RINT1: variants seen among roughly 807,000 people sequenced by gnomAD.
RINT1 encodes the protein RAD50-interacting protein 1.
A neutral mutation model predicts 97.7 loss-of-function variants in RINT1; 75 were observed. The ratio of observed to expected loss-of-function variants is 0.77; its 90% CI spans 0.64 to 0.93. The LOEUF (loss-of-function observed/expected upper bound fraction) is 0.93, where lower values mean the gene tolerates loss of function less well. RINT1 is among the 40% of genes least tolerant of loss of function. The pLI is 0.00. For missense variants in RINT1, 892 were observed against 925.2 expected, an observed-to-expected ratio of 0.96 and a Z score of 0.47; for synonymous variants, 303 against 326.3, an observed-to-expected ratio of 0.93 and a Z score of 0.77.
intron 2 of RINT1, chr7:105,535,707 C>T: frequency 2.8e-6 from 1 of 352,060 alleles, no homozygotes; most frequent in South Asian, 2.1e-5. Context: ...TTCCACCATT[C>T]CTGGCTAATT....
At chr7:105,537,424 C>T (rs1476873305) in intron 3 of RINT1, among the ~76,000 whole-genome samples, 1 of 151,710 alleles carries the variant, frequency 6.6e-6, no homozygotes, top group Admixed American at 6.6e-5. Flanking sequence ...GCTGCTATAC[C>T]CGGCCACATT....
chr7:105,565,312 T>C lies in RINT1; in HGVS notation c.1922T>C (p.Val641Ala). The C allele has an allele frequency of 6.2e-7, 1 of 1,613,662 alleles. No homozygotes were observed. Among genetic ancestry groups the C allele is most frequent in the Non-Finnish European group, 8.5e-7 (1 of 1,179,544 alleles). Residue 641 changes from valine (V) to alanine (A), a missense_variant, in exon 13 of 15, where the codon GTG (valine) becomes GCG (alanine). Transcript: ENST00000257700. ...TTGCCATCTCAGTCAGAGCAGGCAG[T>C]GATGTCCCTGTCCAGTTCGGCTTGC... ...LSLPSQSEQA[V>A]MSLSSSACPL...
chr7:105,567,156 G>T lies in RINT1; in HGVS notation c.2224G>T (p.Gly742Cys). ...CTGTATTGTTTTGAATTTGAACGTC[G>T]GTTCTGCACTACTGCTGAAAGATGT... The part of the protein sequence containing the change: ...EACIVLNLNV[G>C]SALLLKDVLQ... Residue 742 changes from glycine (G) to cysteine (C), a missense_variant, in exon 15 of 15, where the codon GGT becomes TGT. Coordinates refer to ENST00000257700, the MANE Select transcript of RINT1 (RefSeq NM_021930.6). 1 of 1,586,006 alleles carries T rather than the reference G, an allele frequency of 6.3e-7. No individual in the cohort carries two copies. The highest frequency in any genetic ancestry group is 1.9e-5 in the Admixed American group (1 of 51,736).
chr7:105,553,756 T>C (rs1014563421), intron 10 of RINT1, among the ~76,000 whole-genome samples: 2 of 149,832 alleles, frequency 1.3e-5, no homozygotes, highest in African/African-American at 4.9e-5. Flanking sequence ...AGTCTCGCTC[T>C]GTCGCCCAGG....
intron 11 of RINT1, among the ~76,000 whole-genome samples, chr7:105,563,103 T>C (rs898413644): frequency 6.6e-6 from 1 of 151,828 alleles, no homozygotes; most frequent in Non-Finnish European, 1.5e-5. Context: ...TACAATATGA[T>C]ACGTGTTACA....
chr7:105,538,644 G>C (rs1247589890), intron 3 of RINT1, among the ~76,000 whole-genome samples: 3 of 152,144 alleles, frequency 2.0e-5, no homozygotes, highest in Non-Finnish European at 4.4e-5. Context: ...TGTTCTTTCA[G>C]ATTCTGTTTG....
chr7:105,540,899 G>A (rs911365715), intron 3 of RINT1, among the ~76,000 whole-genome samples: 4 of 145,952 alleles, frequency 2.7e-5, no homozygotes, highest in Admixed American at 6.9e-5. Flanking sequence ...TGGCAGTGGC[G>A]CAGTCTCGGC....
intron 7 of RINT1, 92 bp from the exon 8 acceptor site, chr7:105,549,963 G>C (rs1257537424): frequency 1.9e-5 from 14 of 752,586 alleles, no homozygotes; most frequent in South Asian, 1.1e-4. Context: ...ATTTTTATAA[G>C]TGTTGTGCAT....
rs368702915 is a variant in RINT1 at position 105,565,362 on chromosome 7, C to T, written c.1972C>T (p.His658Tyr). The T allele has an allele frequency of 6.2e-7, 1 of 1,614,030 alleles. No homozygotes were observed. The highest frequency in any genetic ancestry group is 8.5e-7 in the Non-Finnish European group (1 of 1,180,012). The stretch of plus-strand genomic sequence containing the variant: ...CCCGTTGCTGCTGACGTTACGAGAC[C>T]ATTTACTTCAGTTGGAGCAGCAGCT... Reference protein sequence around the residue: ...ACPLLLTLRDHLLQLEQQLCF... With the variant: ...ACPLLLTLRDYLLQLEQQLCF... The change falls in exon 13 of 15, where the codon CAT becomes TAT. Residue 658 changes from histidine to tyrosine, a missense_variant. By Grantham distance (83) the His-to-Tyr change is moderately conservative. Transcript: ENST00000257700.
At position 105,539,521 on chromosome 7, in the gene RINT1, C is replaced by T. The variant is rs533831538; in HGVS notation, c.273+2772C>T. ...GATTATAGGCATGTGCCACCACGCT[C>T]GGCTAATTTTGTATTTTTGGTAGAG... On this transcript the variant is annotated intron_variant, in intron 3 of 14. Coordinates refer to ENST00000257700, the MANE Select transcript of RINT1 (RefSeq NM_021930.6). Among the ~76,000 whole-genome samples the T allele has an allele frequency of 3.3e-5, 5 of 152,216 alleles. No individual in the cohort carries two copies. The South Asian group carries it at 6.2e-4, about 19-fold the overall frequency.
At position 105,555,223 on chromosome 7, in the gene RINT1, A is replaced by G; in HGVS notation, c.1667A>G (p.Asn556Ser). 1.9e-6 allele frequency: 3 copies of G among 1,611,976 alleles called. No individual in the cohort carries two copies. Among genetic ancestry groups the G allele is most frequent in the South Asian group, 2.2e-5 (2 of 90,856 alleles). Reference sequence around the variant, plus strand: ...ACAGTACTAGCAGATTGGGCTGACAATGTTGTGAGTTAATATGCTTTTATA... The same window carrying G: ...ACAGTACTAGCAGATTGGGCTGACAGTGTTGTGAGTTAATATGCTTTTATA... ...ISTVLADWAD[N>S]VFFLQLQQAA... Residue 556 changes from asparagine (N) to serine (S), a missense_variant, in exon 11 of 15, where the codon AAT becomes AGT. Asn to Ser is a conservative substitution (Grantham distance 46, BLOSUM62 1). Transcript: ENST00000257700.
intron 6 of RINT1, among the ~76,000 whole-genome samples, chr7:105,547,585 G>A (rs942942313): frequency 6.6e-6 from 1 of 152,074 alleles, no homozygotes; most frequent in Non-Finnish European, 1.5e-5. Flanking sequence ...AGGTCTCTTG[G>A]GGCAACAGAA....
intron 4 of RINT1, among the ~76,000 whole-genome samples, chr7:105,543,934 CAA>C (rs1243487350): frequency 1.5e-5 from 2 of 132,410 alleles, no homozygotes; most frequent in Admixed American, 7.6e-5. Context: ...ACTAAAAATA[CAA>C]AAAAAAAAAA....
At chr7:105,550,520 A>G in intron 9 of RINT1, 34 bp downstream of exon 9, 1 of 1,461,558 alleles carries the variant, frequency 6.8e-7, no homozygotes. Context: ...GTAGGGAGAT[A>G]TGTCTGTTTC....
chr7:105,541,890 T>C (rs1790472975), intron 3 of RINT1: 1 of 152,756 alleles, frequency 6.5e-6, no homozygotes. Context: ...TGTATGTGTA[T>C]ATGTATGTAT....
Position 105,551,604 on chromosome 7 carries a change from A to G in RINT1, c.1368A>G (p.Ser456=), listed in dbSNP as rs759054508. 1.9e-6 allele frequency: 3 copies of G among 1,608,982 alleles called. No individual in the cohort carries two copies. Among genetic ancestry groups the G allele is most frequent in the Non-Finnish European group, 2.5e-6 (3 of 1,177,340 alleles). The stretch of plus-strand genomic sequence containing the variant: ...AAAAAATGGACTCAATGCTTTCCTC[A>G]GAAGCTGCCTGGGTATCGCAATATA... ...ALQKMDSMLS[S]EAAWVSQYKD... The change falls in exon 10 of 15, where the codon TCA becomes TCG. Residue 456 remains serine (S), a synonymous_variant. Transcript: ENST00000257700.
Position 105,550,269 on chromosome 7 carries a change from T to A in RINT1, c.1116T>A (p.Phe372Leu). ...VGSLVNARLE[F>L]SRGLMMLVLE... ...TTTGTGTATTTTTTTAGCTTGAATT[T>A]TCTCGGGGCCTTATGATGCTGGTTC... is the stretch of plus-strand genomic sequence containing the variant. Residue 372 changes from phenylalanine to leucine, a missense_variant, in exon 9 of 15, where the codon TTT becomes TTA. Physicochemically the swap from Phe to Leu is conservative, Grantham distance 22. Transcript: ENST00000257700. The A allele has an allele frequency of 6.2e-7, 1 of 1,613,914 alleles. No individual in the cohort carries two copies. Among genetic ancestry groups the A allele is most frequent in the Non-Finnish European group, 8.5e-7 (1 of 1,179,938 alleles).
intron 14 of RINT1, among the ~76,000 whole-genome samples, 159 bp downstream of exon 14, chr7:105,565,807 A>G (rs961985859): frequency 4.6e-5 from 7 of 152,210 alleles, no homozygotes; most frequent in Admixed American, 4.6e-4. Flanking sequence ...CAATGGGGAA[A>G]CCAAGATGAT....
intron 14 of RINT1, chr7:105,566,471 AACATAGCAAG>A (rs1791748813): frequency 6.6e-6 from 1 of 152,322 alleles, no homozygotes; most frequent in Non-Finnish European, 1.5e-5. Flanking sequence ...CAGCCTGGGC[AACATAGCAAG>A]ACTCCATCTC....
Sources: allele counts gnomAD v4.1 joint callset (sites outside exome capture counted in the v4.1 genomes callset), GRCh38; gene constraint gnomAD v4.1.1; transcripts MANE v1.5; gene names NCBI Gene and HGNC (gene_info 2026-07-23, HGNC 2026-07-21).